The following TTC24 variants were observed in gnomAD, a reference collection of about 807,000 sequenced individuals.
TTC24 encodes tetratricopeptide repeat domain 24.
In TTC24, 54 loss-of-function variants were observed where a neutral mutation model predicts 63.3. The observed-to-expected ratio is 0.85, with a 90% CI of 0.69 to 1.07. TTC24 has a LOEUF of 1.07. TTC24 is among the 50% of genes least tolerant of loss of function. TTC24 has a pLI of 0.00. For missense variants in TTC24, 680 were observed against 730.5 expected, an observed-to-expected ratio of 0.93 and a Z score of 0.80; for synonymous variants, 276 against 304.3, an observed-to-expected ratio of 0.91 and a Z score of 0.97.
rs755529893 is a variant in TTC24 at position 156,586,005 on chromosome 1, TAC to T, written c.1628_1629del (p.Tyr543SerfsTer2). 1 of 1,586,362 alleles carries T rather than the reference TAC, an allele frequency of 6.3e-7. No homozygotes were observed. The highest frequency in any genetic ancestry group is 8.6e-7 in the Non-Finnish European group (1 of 1,165,996). On this transcript the variant is annotated frameshift_variant, in exon 10 of 11. Transcript: ENST00000368236. LOFTEE classifies it low-confidence loss of function (END_TRUNC). Reference sequence around the variant, plus strand: ...AGGTCCAGGCCCTCCCAGAGCGGAGTACCCTAGCATCTTGGTACCCAATGGCC... The same window carrying T: ...AGGTCCAGGCCCTCCCAGAGCGGAGTCCTAGCATCTTGGTACCCAATGGCC... The part of the protein sequence containing the change: ...FVGPGPPRAE[Y>X]PSILVPNGPQ...
At position 156,583,254 on chromosome 1, in the gene TTC24, A is replaced by C; in HGVS notation, c.1039+84A>C. The stretch of plus-strand genomic sequence containing the variant: ...GCTGGCGGGGAGGCAGATGGGGGGA[A>C]CTGAGGGTAGGGAGTGCCTCTGAGG... On this transcript the variant is annotated intron_variant, in intron 4 of 10. Coordinates refer to ENST00000368236, the MANE Select transcript of TTC24 (RefSeq NM_001105669.4). This position sits in a 1 kb window ranked among gnomAD's most constrained non-coding sequence, Gnocchi z 4.0. 6.2e-7 allele frequency: 1 copy of C among 1,607,414 alleles called. No homozygotes were observed. The highest frequency in any genetic ancestry group is 1.1e-5 in the South Asian group (1 of 90,660).
At chr1:156,584,734 A>G in intron 6 of TTC24, 143 bp from the exon 7 acceptor site, 1 of 516,650 alleles carries the variant, frequency 1.9e-6, no homozygotes, top group Non-Finnish European at 3.4e-6. Flanking sequence ...TAGAACAAAG[A>G]GCCTCACCCC....
rs751919750 is a variant in TTC24, at chr1:156,582,374, A to G, written c.850A>G (p.Asn284Asp). 4.3e-6 allele frequency: 7 copies of G among 1,613,434 alleles called. No individual in the cohort carries two copies. The South Asian group carries it at 7.7e-5, about 18-fold the overall frequency. Reference protein sequence around the residue: ...TVLRNLGMAHNALGNYQEARE... With the variant: ...TVLRNLGMAHDALGNYQEARE... ...GCTAAGAAACCTCGGGATGGCCCACAATGCCCTCGGCAACTATCAGGAAGC... is the reference window on the plus strand; with the variant it reads ...GCTAAGAAACCTCGGGATGGCCCACGATGCCCTCGGCAACTATCAGGAAGC... Residue 284 changes from asparagine (N) to aspartate (D), a missense_variant, in exon 3 of 11, where the codon AAT (asparagine) becomes GAT (aspartate). Coordinates refer to ENST00000368236, the MANE Select transcript of TTC24 (RefSeq NM_001105669.4).
Position 156,583,560 on chromosome 1 carries a change from T to G in TTC24, c.1152+110T>G, listed in dbSNP as rs1677067409. On this transcript the variant is annotated intron_variant, in intron 5 of 10. Transcript: ENST00000368236. The surrounding 1 kb of genome is among the most constrained non-coding windows in gnomAD (Gnocchi z 4.0). ...CCATCACTCACTCAATCAGCAAACA[T>G]GCACTGGACACACTGTGTGCTAGGT... The G allele has an allele frequency of 4.3e-6, 4 of 935,328 alleles. No homozygotes were observed. The highest frequency in any genetic ancestry group is 6.5e-6 in the Non-Finnish European group (4 of 619,096). The allele number at this position is 935,328 out of a possible 1,614,324, so 57.9% of individuals were successfully genotyped here.
Position 156,582,333 on chromosome 1 carries a change from G to C in TTC24, c.809G>C (p.Gly270Ala). 6.2e-7 allele frequency: 1 copy of C among 1,607,608 alleles called. No homozygotes were observed. Among genetic ancestry groups the C allele is most frequent in the Non-Finnish European group, 8.5e-7 (1 of 1,177,168 alleles). The change falls in exon 3 of 11, where the codon GGA becomes GCA. Residue 270 changes from glycine (G) to alanine (A), a missense_variant. Transcript: ENST00000368236. ...LQALPLCWVP[G>A]EQATVLRNLG... Reference sequence around the variant, plus strand: ...GCCCTGCCCCTGTGCTGGGTGCCAGGAGAGCAGGCCACAGTGCTAAGAAAC... The same window carrying C: ...GCCCTGCCCCTGTGCTGGGTGCCAGCAGAGCAGGCCACAGTGCTAAGAAAC...
chr1:156,585,016 G>A, intron 7 of TTC24, 42 bp downstream of exon 7: 1 of 1,547,666 alleles, frequency 6.5e-7, no homozygotes, highest in South Asian at 1.2e-5. Context: ...TGCGCCCTCT[G>A]CAGGGTGTTG....
At chr1:156,586,243 C>A (rs1027688178) in intron 10 of TTC24, among the ~76,000 whole-genome samples, 198 bp downstream of exon 10, 1 of 152,128 alleles carries the variant, frequency 6.6e-6, no homozygotes, top group Admixed American at 6.5e-5. Flanking sequence ...GCTCTGGAAG[C>A]CCAGGGTATG....
intron 8 of TTC24, chr1:156,585,473 A>C: frequency 1.7e-6 from 1 of 601,190 alleles, no homozygotes. Context: ...ATTTTCCCTG[A>C]ACCCTTCTAG....
In TTC24 at chr1:156,583,489, AT is replaced by A. The variant is rs1188700061; in HGVS notation, c.1152+40del. On this transcript the variant is annotated intron_variant, in intron 5 of 10. Coordinates refer to ENST00000368236, the MANE Select transcript of TTC24 (RefSeq NM_001105669.4). This position sits in a 1 kb window ranked among gnomAD's most constrained non-coding sequence, Gnocchi z 4.0. The stretch of plus-strand genomic sequence containing the variant: ...CACCGGAATCCACCTCTCCCCTGCT[AT>A]CCCTCTTCTGGCTGACATTCCTGCC... 3 of 1,494,136 alleles carry A rather than the reference AT, an allele frequency of 2.0e-6. No individual in the cohort carries two copies. The African/African-American group carries it at 4.2e-5, about 21-fold the overall frequency. The allele number at this position is 1,494,136 out of a possible 1,614,324, so 92.6% of individuals were successfully genotyped here.
At position 156,582,032 on chromosome 1, in the gene TTC24, GGAGGCTTGCCGA is replaced by G; in HGVS notation, c.673_684del (p.Leu225_Arg228del). The G allele has an allele frequency of 4.1e-6, 6 of 1,480,238 alleles. No individual in the cohort carries two copies. Among genetic ancestry groups the G allele is most frequent in the Non-Finnish European group, 4.5e-6 (5 of 1,116,276 alleles). The allele number at this position is 1,480,238 out of a possible 1,614,324, so 91.7% of individuals were successfully genotyped here. A position where few individuals can be genotyped will look rare whatever the true frequency, so the allele number is the denominator to read the frequency against. ...GTTGTGCAGGTGCTGGAGAAAAGCC[GGAGGCTTGCCGA>G]GAGGAGCACTGAGAGGCGACTGCTG... is the stretch of plus-strand genomic sequence containing the variant. On this transcript the variant is annotated inframe_deletion, in exon 2 of 11. Transcript: ENST00000368236.
chr1:156,583,871 G>A lies in TTC24; in HGVS notation c.1227G>A (p.Val409=), dbSNP rs763933702. ...ADTVRTRLAQ[V]GLVQTHTLTS... ...CCGTGAGGACGCGCTTGGCCCAGGT[G>A]GGGCTGGTCCAGACTCACACCCTGG... The change falls in exon 6 of 11, where the codon GTG becomes GTA. Residue 409 remains valine, a synonymous_variant. Transcript: ENST00000368236. This position sits in a 1 kb window ranked among gnomAD's most constrained non-coding sequence, Gnocchi z 4.0. The A allele has an allele frequency of 1.3e-5, 20 of 1,582,882 alleles. No individual in the cohort carries two copies. The highest frequency in any genetic ancestry group is 2.3e-5 in the East Asian group (1 of 43,350).
At position 156,583,956 on chromosome 1, in the gene TTC24, G is replaced by A; in HGVS notation, c.1251+61G>A. The A allele has an allele frequency of 7.0e-7, 1 of 1,437,578 alleles. No individual in the cohort carries two copies. Among genetic ancestry groups the A allele is most frequent in the Non-Finnish European group, 9.6e-7 (1 of 1,044,780 alleles). 89.1% of individuals were successfully genotyped at this position (1,437,578 alleles called of 1,614,324 possible). A position where few individuals can be genotyped will look rare whatever the true frequency, so the allele number is the denominator to read the frequency against. ...AGAGAGGTTACCCAGAGAAGGGGTT[G>A]GTGGTAAGCAGAGACGCTGTTCCCT... On this transcript the variant is annotated intron_variant, in intron 6 of 10. Coordinates refer to ENST00000368236, the MANE Select transcript of TTC24 (RefSeq NM_001105669.4). The surrounding 1 kb of genome is among the most constrained non-coding windows in gnomAD (Gnocchi z 4.0).
In TTC24 at chr1:156,583,010, C is replaced by T; in HGVS notation, c.911-32C>T. 1.3e-6 allele frequency: 2 copies of T among 1,582,694 alleles called. No individual in the cohort carries two copies. Among genetic ancestry groups the T allele is most frequent in the Non-Finnish European group, 1.7e-6 (2 of 1,163,052 alleles). On this transcript the variant is annotated intron_variant, in intron 3 of 10. Transcript: ENST00000368236. The surrounding 1 kb of genome is among the most constrained non-coding windows in gnomAD (Gnocchi z 4.0). ...TCCTGATGTCCCAGCAGCCAGAGTC[C>T]CCTCTGAGGATGGGGTGGGCTCTGT...
rs1409452807 is a variant in TTC24, at chr1:156,581,988, G to A, written c.624G>A (p.Gly208=). ...CGGCAGGATGTATGCTGAAGAGTGG[G>A]CGGCATCGGGTGGGGGAAGTTGTGC... ...GAAAGCMLKS[G]RHRVGEVVQV... Residue 208 remains glycine, a synonymous_variant, in exon 2 of 11, where the codon GGG becomes GGA. Transcript: ENST00000368236. 5 of 1,512,546 alleles carry A rather than the reference G, an allele frequency of 3.3e-6. No individual in the cohort carries two copies. Among genetic ancestry groups the A allele is most frequent in the Non-Finnish European group, 4.4e-6 (5 of 1,133,162 alleles). The allele number at this position is 1,512,546 out of a possible 1,614,324, so 93.7% of individuals were successfully genotyped here. A position where few individuals can be genotyped will look rare whatever the true frequency, so the allele number is the denominator to read the frequency against.
chr1:156,584,932 C>T lies in TTC24; in HGVS notation c.1307C>T (p.Thr436Ile). The T allele has an allele frequency of 1.2e-6, 2 of 1,604,146 alleles. No homozygotes were observed. Among genetic ancestry groups the T allele is most frequent in the Non-Finnish European group, 1.7e-6 (2 of 1,175,658 alleles). ...APGGASQAEG[T>I]PAKAGSSTAG... ...GGTGGGGCCAGCCAGGCGGAGGGGA[C>T]CCCAGCAAAGGCAGGAAGCAGCACA... The change falls in exon 7 of 11, where the codon ACC (threonine) becomes ATC (isoleucine). Residue 436 changes from threonine (T) to isoleucine (I), a missense_variant. Coordinates refer to ENST00000368236, the MANE Select transcript of TTC24 (RefSeq NM_001105669.4).
rs1677109505 is a variant in TTC24 at position 156,584,941 on chromosome 1, A to C, written c.1316A>C (p.Lys439Thr). 4.4e-6 allele frequency: 7 copies of C among 1,604,072 alleles called. No individual in the cohort carries two copies. The highest frequency in any genetic ancestry group is 6.0e-6 in the Non-Finnish European group (7 of 1,175,540). Residue 439 changes from lysine to threonine, a missense_variant, in exon 7 of 11, where the codon AAG (lysine) becomes ACG (threonine). By Grantham distance (78) the Lys-to-Thr change is moderately conservative (BLOSUM62 -1). Coordinates refer to ENST00000368236, the MANE Select transcript of TTC24 (RefSeq NM_001105669.4). ...GASQAEGTPA[K>T]AGSSTAGVQH... is the part of the protein sequence containing the mutation. ...AGCCAGGCGGAGGGGACCCCAGCAA[A>C]GGCAGGAAGCAGCACAGCAGGTGTC...
chr1:156,585,001 A>T, intron 7 of TTC24, 27 bp downstream of exon 7: 1 of 1,553,894 alleles, frequency 6.4e-7, no homozygotes, highest in Non-Finnish European at 8.7e-7. Flanking sequence ...TGCAGCAGAG[A>T]TGCATGCGCC....
At chr1:156,585,050 C>T in intron 7 of TTC24, 75 bp from the exon 8 acceptor site, 2 of 1,543,628 alleles carry the variant, frequency 1.3e-6, no homozygotes, top group South Asian at 2.4e-5. Context: ...TGGGGTAGGA[C>T]CCCATGTGTA....
At position 156,582,391 on chromosome 1, in the gene TTC24, T is replaced by C. The variant is rs371550971; in HGVS notation, c.867T>C (p.Tyr289=). The change falls in exon 3 of 11, where the codon TAT becomes TAC. Residue 289 remains tyrosine, a synonymous_variant. Transcript: ENST00000368236. ...LGMAHNALGN[Y]QEAREFHQKA... ...TGGCCCACAATGCCCTCGGCAACTA[T>C]CAGGAAGCTCGGGAGTTTCACCAGA... 1.1e-4 allele frequency: 180 copies of C among 1,613,650 alleles called. No individual in the cohort carries two copies. Among genetic ancestry groups the C allele is most frequent in the Non-Finnish European group, 1.5e-4 (178 of 1,179,836 alleles).
Sources: gnomAD v4.1 joint callset for allele counts (sites outside exome capture counted in the v4.1 genomes callset) on GRCh38, gnomAD v4.1.1 for gene constraint, Gnocchi (gnomAD v3.1) non-coding constraint, MANE v1.5 for transcripts, NCBI Gene and HGNC (gene_info 2026-07-23, HGNC 2026-07-21) for gene names.